Variants in PHF24 observed in about 807,000 individuals in gnomAD.
PHF24 encodes Galpha inhibitory interacting protein.
Under a neutral mutation model 42.6 loss-of-function variants are expected in PHF24, and 25 were observed. That is an observed-to-expected ratio of 0.59 (90% CI 0.43 to 0.82). The LOEUF is 0.82. Ranked by LOEUF, PHF24 falls within the 40% of genes least tolerant of loss-of-function variation. The pLI, the probability that PHF24 is intolerant of heterozygous loss-of-function variation, is 0.00. For synonymous variants in PHF24, 185 were observed against 204.8 expected, an observed-to-expected ratio of 0.90 and a Z score of 0.83; for missense variants, 470 against 538.1, an observed-to-expected ratio of 0.87 and a Z score of 1.25.
At chr9:34,917,313 C>T in the PHF24 span, 2 of 936,220 alleles carry the variant, frequency 2.1e-6, no homozygotes, top group Non-Finnish European at 3.6e-6. Flanking sequence ...GACCTGGACC[C>T]TGGACAGTGA....
chr9:34,876,151 G>T, the PHF24 span, among the ~76,000 whole-genome samples: 18 of 152,016 alleles, frequency 1.2e-4, no homozygotes, highest in Non-Finnish European at 2.5e-4. Context: ...AAGCTCCTTT[G>T]TATTTACCCC....
the PHF24 span, chr9:34,728,126 A>G: frequency 1.3e-6 from 2 of 1,528,288 alleles, no homozygotes; most frequent in South Asian, 1.2e-5. Flanking sequence ...GGATAATTTC[A>G]TAGGCATCCT....
chr9:34,740,129 G>A, the PHF24 span, among the ~76,000 whole-genome samples: 1 of 152,214 alleles, frequency 6.6e-6, no homozygotes, highest in South Asian at 2.1e-4. Context: ...TAGACATAAA[G>A]GTTCTCCATG....
At chr9:34,841,834 G>A in the PHF24 span, among the ~76,000 whole-genome samples, 1 of 152,198 alleles carries the variant, frequency 6.6e-6, no homozygotes, top group Non-Finnish European at 1.5e-5. Flanking sequence ...TCCAACCTGG[G>A]CAACAAGAGT....
At chr9:34,730,347 G>A in the PHF24 span, among the ~76,000 whole-genome samples, 3 of 152,146 alleles carry the variant, frequency 2.0e-5, no homozygotes, top group Non-Finnish European at 4.4e-5. Flanking sequence ...TGTAGATATT[G>A]TGATATGCCA....
the PHF24 span, among the ~76,000 whole-genome samples, chr9:34,792,678 A>G: frequency 2.9e-5 from 1 of 34,546 alleles, no homozygotes; most frequent in South Asian, 7.4e-4. Flanking sequence ...CCATCTCAGG[A>G]AAAAAAAAAA....
the PHF24 span, among the ~76,000 whole-genome samples, chr9:34,698,755 C>T: frequency 5.3e-5 from 8 of 152,196 alleles, no homozygotes. Flanking sequence ...GCTGGGATTA[C>T]AGGTGTGAGC....
At chr9:34,916,152 T>C in the PHF24 span, among the ~76,000 whole-genome samples, 1 of 152,220 alleles carries the variant, frequency 6.6e-6, no homozygotes, top group Non-Finnish European at 1.5e-5. Flanking sequence ...TATTTCTTCA[T>C]AGCAGCACGA....
chr9:34,790,503 C>T, the PHF24 span, among the ~76,000 whole-genome samples: 1 of 150,886 alleles, frequency 6.6e-6, no homozygotes, highest in Admixed American at 6.6e-5. Context: ...AAGTACTTAG[C>T]AATCTAAGAC....
chr9:34,731,109 G>A, the PHF24 span, among the ~76,000 whole-genome samples: 1 of 152,108 alleles, frequency 6.6e-6, no homozygotes, highest in Non-Finnish European at 1.5e-5. Flanking sequence ...TCTTCCTCGT[G>A]TATCTCTCTT....
the PHF24 span, chr9:34,918,393 G>T: frequency 2.0e-5 from 11 of 560,718 alleles, no homozygotes; most frequent in East Asian, 6.4e-5. Flanking sequence ...CTCGAAGGGT[G>T]AATACCAAGG....
At chr9:34,885,048 A>G in the PHF24 span, among the ~76,000 whole-genome samples, 2 of 152,148 alleles carry the variant, frequency 1.3e-5, no homozygotes, top group Non-Finnish European at 2.9e-5. Flanking sequence ...CTTCTGAGTC[A>G]CTTTCTTTCA....
chr9:34,731,938 C>A, the PHF24 span, among the ~76,000 whole-genome samples: 2 of 151,898 alleles, frequency 1.3e-5, no homozygotes, highest in African/African-American at 2.4e-5. Context: ...GGAGCCTCAA[C>A]CTCCTGGACT....
At chr9:34,841,798 A>C in the PHF24 span, among the ~76,000 whole-genome samples, 1 of 152,208 alleles carries the variant, frequency 6.6e-6, no homozygotes, top group African/African-American at 2.4e-5. Flanking sequence ...CGGAGGTTGC[A>C]GTGAGCCGAG....
chr9:34,693,954 T>G, the PHF24 span, among the ~76,000 whole-genome samples: 3 of 152,062 alleles, frequency 2.0e-5, no homozygotes, highest in African/African-American at 7.2e-5. Context: ...TTCCTAAGTT[T>G]TGTTTATCCA....
chr9:34,917,932 A>AT, the PHF24 span: 1 of 1,588,548 alleles, frequency 6.3e-7, no homozygotes, highest in Admixed American at 1.7e-5. Flanking sequence ...GCAGGCTGCC[A>AT]TACCAACTTT....
chr9:34,720,933 C>G, the PHF24 span, among the ~76,000 whole-genome samples: 1 of 152,198 alleles, frequency 6.6e-6, no homozygotes, highest in Non-Finnish European at 1.5e-5. Flanking sequence ...CTTTCTCCAC[C>G]TCCAGCTTTC....
upstream of PHF24, among the ~76,000 whole-genome samples, chr9:34,955,206 A>G (rs551858249): frequency 8.5e-5 from 13 of 152,188 alleles, no homozygotes; most frequent in South Asian, 1.2e-3. Context: ...AGACATTAAC[A>G]TGGTGGTAAC....
At chr9:34,732,502 T>G in the PHF24 span, among the ~76,000 whole-genome samples, 2 of 152,202 alleles carry the variant, frequency 1.3e-5, no homozygotes, top group Non-Finnish European at 2.9e-5. Context: ...TCCTTATATG[T>G]TCTGGTTATC....
Sources: gnomAD v4.1 joint callset for allele counts (sites outside exome capture counted in the v4.1 genomes callset) on GRCh38, gnomAD v4.1.1 for gene constraint, MANE v1.5 for transcripts, NCBI Gene and HGNC (gene_info 2026-07-23, HGNC 2026-07-21) for gene names.